Variants in SCARA3 observed in about 807,000 individuals in gnomAD.
SCARA3 encodes scavenger receptor class A member 3.
A neutral mutation model predicts 47.0 loss-of-function variants in SCARA3; 39 were observed. The observed-to-expected ratio is 0.83, with a 90% CI of 0.64 to 1.08. The LOEUF (loss-of-function observed/expected upper bound fraction) is 1.08. Ranked by LOEUF, SCARA3 falls within the 50% of genes least tolerant of loss-of-function variation. SCARA3 has a pLI of 0.00. For synonymous variants in SCARA3, 356 were observed against 334.1 expected (o/e 1.07, Z -0.71); for missense variants, 724 against 792.3 (o/e 0.91, Z 1.04).
At chr8:27,642,934 G>A (rs531489535) in intron 1 of SCARA3, among the ~76,000 whole-genome samples, 1 of 152,328 alleles carries the variant, frequency 6.6e-6, no homozygotes, top group South Asian at 2.1e-4. Flanking sequence ...TGTGGACAGA[G>A]AGGAGATCAG....
chr8:27,701,933 C>T, the SCARA3 span: 1 of 153,174 alleles, frequency 6.5e-6, no homozygotes, highest in East Asian at 2.0e-4. Flanking sequence ...AATGGGTCAC[C>T]TTATCTGAGA....
the SCARA3 span, among the ~76,000 whole-genome samples, chr8:27,685,312 A>G: frequency 1.3e-5 from 2 of 152,218 alleles, no homozygotes; most frequent in African/African-American, 4.8e-5. Context: ...AGTGGTTTAA[A>G]TATTCCCACA....
chr8:27,720,300 A>C, the SCARA3 span, among the ~76,000 whole-genome samples: 7 of 150,364 alleles, frequency 4.7e-5, no homozygotes, highest in Middle Eastern at 3.5e-3. Context: ...GGGAAGCTTG[A>C]AGCTGATATA....
the SCARA3 span, chr8:27,703,678 C>T: frequency 6.6e-6 from 1 of 152,104 alleles, no homozygotes; most frequent in African/African-American, 2.4e-5. Context: ...ACTACAAACC[C>T]AGGACTCCGG....
the SCARA3 span, among the ~76,000 whole-genome samples, chr8:27,713,682 C>T: frequency 3.3e-5 from 5 of 152,310 alleles, no homozygotes; most frequent in Admixed American, 3.3e-4. Flanking sequence ...TGGACACTTC[C>T]TTACTTTCTG....
At position 27,634,058 on chromosome 8, in the gene SCARA3, C is replaced by G; in HGVS notation, c.-143C>G. ...CGCCTCCGCAGCCCGCGCGCCGGAG[C>G]ATGAGTCCCGGCCGGAGCCCCACGG... On this transcript the variant is annotated 5_prime_UTR_variant, in exon 1 of 6. Coordinates refer to ENST00000301904, the MANE Select transcript of SCARA3 (RefSeq NM_016240.3). The G allele has an allele frequency of 1.6e-6, 1 of 611,672 alleles. No homozygotes were observed. Among genetic ancestry groups the G allele is most frequent in the Non-Finnish European group, 2.4e-6 (1 of 417,468 alleles). The allele number at this position is 611,672 out of a possible 1,614,324, so 37.9% of individuals were successfully genotyped here.
downstream of SCARA3, chr8:27,676,492 G>A: frequency 6.4e-7 from 1 of 1,557,448 alleles, no homozygotes; most frequent in Non-Finnish European, 8.8e-7. Context: ...TCCAACATAG[G>A]TGTCCAACGA....
At chr8:27,655,956 T>C (rs576016) in intron 3 of SCARA3, among the ~76,000 whole-genome samples, 44,824 of 151,994 alleles carry the variant, frequency 0.29, 7,431 homozygotes, top group South Asian at 0.47. Flanking sequence ...GTAGTCCCCG[T>C]TTATCCGCAG....
chr8:27,671,526 C>T lies in SCARA3; in HGVS notation c.*175C>T. On this transcript the variant is annotated 3_prime_UTR_variant, in exon 6 of 6. Coordinates refer to ENST00000301904, the MANE Select transcript of SCARA3 (RefSeq NM_016240.3). ...CCATAGTGACTGTGCCATAGGAAAGCAGCCCCTCCTCACACATACATGTGC... is the reference window on the plus strand; with the variant it reads ...CCATAGTGACTGTGCCATAGGAAAGTAGCCCCTCCTCACACATACATGTGC... 1.6e-6 allele frequency: 2 copies of T among 1,288,898 alleles called. No homozygotes were observed. Among genetic ancestry groups the T allele is most frequent in the Non-Finnish European group, 2.0e-6 (2 of 1,023,518 alleles). 79.8% of individuals were successfully genotyped at this position (1,288,898 alleles called of 1,614,324 possible). A position where few individuals can be genotyped will look rare whatever the true frequency, so the allele number is the denominator to read the frequency against.
At chr8:27,651,661 G>A (rs188267321) in intron 3 of SCARA3, 34 bp downstream of exon 3, 1 of 1,610,068 alleles carries the variant, frequency 6.2e-7, no homozygotes, top group East Asian at 2.2e-5. Context: ...CGGGCTGCAG[G>A]GGGGTGTCTG....
Position 27,671,405 on chromosome 8 carries a change from G to C in SCARA3, c.*54G>C, listed in dbSNP as rs1471598214. On this transcript the variant is annotated 3_prime_UTR_variant, in exon 6 of 6. Coordinates refer to ENST00000301904, the MANE Select transcript of SCARA3 (RefSeq NM_016240.3). ...CAGAATGCCGGAGGGGCGCAGAGCA[G>C]ATCCAGGCCCCAGAAAGCCTCACCT... 7.4e-7 allele frequency: 1 copy of C among 1,353,956 alleles called. No homozygotes were observed. Among genetic ancestry groups the C allele is most frequent in the Non-Finnish European group, 9.4e-7 (1 of 1,058,646 alleles). The allele number at this position is 1,353,956 out of a possible 1,614,324, so 83.9% of individuals were successfully genotyped here.
chr8:27,651,363 G>A, intron 2 of SCARA3, 145 bp from the exon 3 acceptor site: 2 of 957,936 alleles, frequency 2.1e-6, no homozygotes, highest in Middle Eastern at 3.4e-4. Context: ...GGTAGGACAG[G>A]TAGAGAATGA....
the SCARA3 span, among the ~76,000 whole-genome samples, chr8:27,725,900 A>G: frequency 6.6e-6 from 1 of 152,280 alleles, no homozygotes; most frequent in East Asian, 1.9e-4. Flanking sequence ...GCTGTCTTGA[A>G]ACTTTTTAAA....
At chr8:27,665,700 A>G (rs1322915892) in intron 5 of SCARA3, among the ~76,000 whole-genome samples, 2 of 152,202 alleles carry the variant, frequency 1.3e-5, no homozygotes, top group Non-Finnish European at 2.9e-5. Flanking sequence ...TTCATCTGCG[A>G]ATAGAAATAT....
intron 5 of SCARA3, among the ~76,000 whole-genome samples, chr8:27,669,654 G>A (rs949184931): frequency 5.9e-5 from 9 of 152,270 alleles, no homozygotes; most frequent in East Asian, 1.9e-4. Flanking sequence ...CCACATCCCC[G>A]TGGCGGGAGG....
the SCARA3 span, among the ~76,000 whole-genome samples, chr8:27,714,250 C>CT: frequency 7.5e-6 from 1 of 133,980 alleles, no homozygotes; most frequent in African/African-American, 2.9e-5. Flanking sequence ...GGCTGGGGTG[C>CT]AGTGGCGCAA....
At chr8:27,645,509 G>T (rs551569855) in intron 1 of SCARA3, among the ~76,000 whole-genome samples, 1 of 152,246 alleles carries the variant, frequency 6.6e-6, no homozygotes, top group Non-Finnish European at 1.5e-5. Context: ...GTGCAACTCT[G>T]CAGACACTCA....
At chr8:27,710,122 C>T in the SCARA3 span, among the ~76,000 whole-genome samples, 2 of 150,788 alleles carry the variant, frequency 1.3e-5, no homozygotes, top group African/African-American at 2.4e-5. Flanking sequence ...CCCAGCTGCT[C>T]GGGAGGCTGA....
intron 5 of SCARA3, among the ~76,000 whole-genome samples, chr8:27,663,037 T>C (rs1801944259): frequency 6.6e-6 from 1 of 152,242 alleles, no homozygotes; most frequent in Admixed American, 6.5e-5. Context: ...CTAAATTTTA[T>C]TGCCACCAGT....
Sources: gnomAD v4.1 joint callset for allele counts (sites outside exome capture counted in the v4.1 genomes callset) on GRCh38, gnomAD v4.1.1 for gene constraint, MANE v1.5 for transcripts, NCBI Gene and HGNC (gene_info 2026-07-23, HGNC 2026-07-21) for gene names.